The following ADAMTS17 variants were observed in gnomAD, a reference collection of about 807,000 sequenced individuals.
The protein encoded by ADAMTS17 is A disintegrin and metalloproteinase with thrombospondin motifs 17.
In ADAMTS17, 113 loss-of-function variants were observed where a neutral mutation model predicts 141.5. That is an observed-to-expected ratio of 0.80 (90% CI 0.69 to 0.93). The LOEUF (loss-of-function observed/expected upper bound fraction) is 0.93, where lower values mean the gene tolerates loss of function less well. Ranked by LOEUF, ADAMTS17 falls within the 40% of genes least tolerant of loss-of-function variation. The pLI is 0.00. For missense variants in ADAMTS17, 1,659 were observed against 1,517.9 expected (o/e 1.09, Z -1.54); for synonymous variants, 768 against 630.6 (o/e 1.22, Z -3.27).
intron 9 of ADAMTS17, among the ~76,000 whole-genome samples, chr15:100,154,804 C>T (rs1297792689): frequency 6.6e-6 from 1 of 152,210 alleles, no homozygotes; most frequent in Non-Finnish European, 1.5e-5. Context: ...CCTCTCTAGG[C>T]AAGCGGCCTT....
At chr15:100,216,731 G>C (rs529028290) in intron 7 of ADAMTS17, among the ~76,000 whole-genome samples, 1 of 152,276 alleles carries the variant, frequency 6.6e-6, no homozygotes, top group African/African-American at 2.4e-5. Flanking sequence ...GCCCACCTTG[G>C]TTAGGTCCTG....
At chr15:100,331,362 T>G (rs1346275706) in intron 2 of ADAMTS17, among the ~76,000 whole-genome samples, 1 of 152,212 alleles carries the variant, frequency 6.6e-6, no homozygotes, top group African/African-American at 2.4e-5. Context: ...AAAATTATTT[T>G]TTAAGTTACT....
chr15:100,155,034 ACT>A, intron 9 of ADAMTS17, 144 bp downstream of exon 9: 3 of 1,157,106 alleles, frequency 2.6e-6, no homozygotes, highest in Non-Finnish European at 1.3e-6. Context: ...ATTATAGGAC[ACT>A]CTGCGCTGAC....
chr15:100,064,125 G>A (rs544974203), intron 15 of ADAMTS17, among the ~76,000 whole-genome samples: 15 of 152,284 alleles, frequency 9.9e-5, no homozygotes, highest in African/African-American at 3.6e-4. Flanking sequence ...ATAAAAAGGG[G>A]AAGTTTGGAA....
chr15:100,262,252 T>TGGCAACTCCCTGGAGCCC, intron 5 of ADAMTS17, 100 bp downstream of exon 5: 1 of 1,069,962 alleles, frequency 9.3e-7, no homozygotes, highest in Non-Finnish European at 1.4e-6. Context: ...TGACGGAGAC[T>TGGCAACTCCCTGGAGCCC]GGCAACTCCC....
chr15:100,000,667 C>T (rs1331008768), intron 18 of ADAMTS17, among the ~76,000 whole-genome samples: 1 of 152,144 alleles, frequency 6.6e-6, no homozygotes, highest in East Asian at 1.9e-4. Context: ...CCATGCGCCA[C>T]CACGCCTGAC....
chr15:100,179,032 A>T (rs2040432996), intron 8 of ADAMTS17, among the ~76,000 whole-genome samples: 1 of 152,152 alleles, frequency 6.6e-6, no homozygotes, highest in African/African-American at 2.4e-5. Context: ...ATACAGACAT[A>T]CAATGTCTAA....
intron 3 of ADAMTS17, among the ~76,000 whole-genome samples, chr15:100,304,228 T>C (rs898925028): frequency 6.6e-6 from 1 of 152,096 alleles, no homozygotes; most frequent in African/African-American, 2.4e-5. Context: ...GTCACATCCT[T>C]AGGGCACAAC....
At chr15:100,212,276 G>C (rs2041833803) in intron 7 of ADAMTS17, among the ~76,000 whole-genome samples, 1 of 152,170 alleles carries the variant, frequency 6.6e-6, no homozygotes, top group Non-Finnish European at 1.5e-5. Flanking sequence ...CAAAGGTAGA[G>C]AGGACTCTGC....
intron 16 of ADAMTS17, among the ~76,000 whole-genome samples, chr15:100,052,161 G>C (rs985554942): frequency 5.9e-5 from 9 of 152,186 alleles, no homozygotes; most frequent in Non-Finnish European, 1.2e-4. Context: ...AGAGCAATTG[G>C]GGTGACTCTA....
chr15:100,340,138 G>C (rs1567556803), intron 2 of ADAMTS17, among the ~76,000 whole-genome samples: 1 of 152,254 alleles, frequency 6.6e-6, no homozygotes, highest in Non-Finnish European at 1.5e-5. Flanking sequence ...CTTCGCTGGG[G>C]GCAGCCCATC....
At chr15:100,101,191 TCTC>T (rs942980946) in intron 14 of ADAMTS17, among the ~76,000 whole-genome samples, 12 of 152,178 alleles carry the variant, frequency 7.9e-5, no homozygotes, top group African/African-American at 2.2e-4. Flanking sequence ...TCAAAGGCTG[TCTC>T]CTCTAAGAGA....
At chr15:100,050,081 A>G (rs2032022625) in intron 17 of ADAMTS17, among the ~76,000 whole-genome samples, 1 of 152,134 alleles carries the variant, frequency 6.6e-6, no homozygotes, top group Non-Finnish European at 1.5e-5. Flanking sequence ...ATGACTCGAA[A>G]TCATGGAGAC....
chr15:100,230,175 G>C (rs1218565639), intron 7 of ADAMTS17, among the ~76,000 whole-genome samples: 1 of 152,158 alleles, frequency 6.6e-6, no homozygotes, highest in Non-Finnish European at 1.5e-5. Flanking sequence ...AACTTTCTCC[G>C]CAGTTTGGGC....
At chr15:100,048,087 G>A (rs867040703) in intron 18 of ADAMTS17, among the ~76,000 whole-genome samples, 3 of 152,046 alleles carry the variant, frequency 2.0e-5, no homozygotes, top group Admixed American at 6.6e-5. Flanking sequence ...CTAGGCAAGC[G>A]GCACAAATTG....
chr15:100,302,345 T>C (rs1478469672), intron 3 of ADAMTS17, among the ~76,000 whole-genome samples: 1 of 152,246 alleles, frequency 6.6e-6, no homozygotes, highest in Non-Finnish European at 1.5e-5. Flanking sequence ...ACTTTGAAGC[T>C]ATTATCAACA....
rs563098521 is a variant in ADAMTS17, at chr15:100,203,577, T to C, written c.1076-4154A>G. The stretch of plus-strand genomic sequence containing the variant: ...AAAATTAGCCGGGTGTGGTGGCAGG[T>C]GCCTGTAGTCCCAGCTACTTGGGAG... On this transcript the variant is annotated intron_variant, in intron 7 of 21. Coordinates refer to ENST00000268070, the MANE Select transcript of ADAMTS17 (RefSeq NM_139057.4). Among the ~76,000 whole-genome samples the C allele has an allele frequency of 4.5e-3, 689 of 152,236 alleles. 4 individuals carry two copies. Among genetic ancestry groups the C allele is most frequent in the African/African-American group, 0.016 (665 of 41,554 alleles).
chr15:100,088,977 A>C (rs2035279763), intron 15 of ADAMTS17, among the ~76,000 whole-genome samples: 1 of 151,712 alleles, frequency 6.6e-6, no homozygotes, highest in East Asian at 2.0e-4. Context: ...ACAAAAGCCA[A>C]AATTGACAAA....
intron 18 of ADAMTS17, among the ~76,000 whole-genome samples, chr15:99,999,679 G>C (rs1473657150): frequency 6.6e-6 from 1 of 152,124 alleles, no homozygotes; most frequent in Non-Finnish European, 1.5e-5. Flanking sequence ...TGTTCCTTTC[G>C]GCTCTGAGAG....
Sources: allele counts gnomAD v4.1 joint callset (sites outside exome capture counted in the v4.1 genomes callset), GRCh38; gene constraint gnomAD v4.1.1; transcripts MANE v1.5; gene names NCBI Gene and HGNC (gene_info 2026-07-23, HGNC 2026-07-21).